The following ADAM7 variants were observed in gnomAD, a reference collection of about 807,000 sequenced individuals.
The protein encoded by ADAM7 is disintegrin and metalloproteinase domain-containing protein 7.
ADAM7 carries 97 observed loss-of-function variants against 102.9 expected under a neutral mutation model. The ratio of observed to expected loss-of-function variants is 0.94; its 90% CI spans 0.80 to 1.12. The LOEUF is 1.12. Among genes scored for constraint, ADAM7 ranks in the 50% most tolerant of loss-of-function variants. ADAM7 has a pLI of 0.00. For synonymous variants in ADAM7, 334 were observed against 304.4 expected (o/e 1.10, Z -1.01); for missense variants, 991 against 908.7 (o/e 1.09, Z -1.16).
At chr8:24,503,607 C>A (rs754051663) in intron 20 of ADAM7, among the ~76,000 whole-genome samples, 1 of 152,106 alleles carries the variant, frequency 6.6e-6, no homozygotes, top group Non-Finnish European at 1.5e-5. Context: ...TTCACAATAG[C>A]AAAGACTTGG....
chr8:24,485,471 A>G, intron 10 of ADAM7, 110 bp downstream of exon 10: 2 of 859,406 alleles, frequency 2.3e-6, no homozygotes, highest in Non-Finnish European at 3.6e-6. Context: ...TATACTCACT[A>G]AGATATGTCA....
At chr8:24,485,818 T>A (rs143789923) in intron 10 of ADAM7, among the ~76,000 whole-genome samples, 2 of 152,304 alleles carry the variant, frequency 1.3e-5, no homozygotes, top group African/African-American at 4.8e-5. Flanking sequence ...ACTCCCTTTT[T>A]TTTATGTGAT....
chr8:24,491,818 T>C (rs1216540680), intron 13 of ADAM7, 85 bp from the exon 14 acceptor site: 4 of 1,164,910 alleles, frequency 3.4e-6, no homozygotes, highest in Non-Finnish European at 4.7e-6. Context: ...CTTTTTTGGA[T>C]GAATGGGTCA....
At chr8:24,491,009 A>G in intron 13 of ADAM7, 121 bp downstream of exon 13, 1 of 901,632 alleles carries the variant, frequency 1.1e-6, no homozygotes, top group Non-Finnish European at 1.7e-6. Flanking sequence ...TAGGCTTGCA[A>G]GTACCCAACA....
chr8:24,452,055 G>A (rs992338501), intron 3 of ADAM7, among the ~76,000 whole-genome samples: 3 of 152,252 alleles, frequency 2.0e-5, no homozygotes, highest in Admixed American at 1.3e-4. Flanking sequence ...TTGCTGAGGA[G>A]AGCTTTACTT....
At chr8:24,450,799 C>G (rs1818753487) in intron 3 of ADAM7, among the ~76,000 whole-genome samples, 2 of 152,066 alleles carry the variant, frequency 1.3e-5, no homozygotes, top group Non-Finnish European at 2.9e-5. Flanking sequence ...TCATGGATAG[C>G]TCTTATTATT....
intron 20 of ADAM7, among the ~76,000 whole-genome samples, chr8:24,507,150 C>G (rs549205241): frequency 6.6e-6 from 1 of 152,028 alleles, no homozygotes; most frequent in Non-Finnish European, 1.5e-5. Context: ...GAGATGTTAT[C>G]GGAATGAAAG....
At chr8:24,492,963 G>C in intron 15 of ADAM7, 80 bp from the exon 16 acceptor site, 1 of 1,382,850 alleles carries the variant, frequency 7.2e-7, no homozygotes, top group Non-Finnish European at 9.6e-7. Flanking sequence ...GAAAAAGAGT[G>C]ACCGGGAGGC....
At chr8:24,468,288 A>G (rs1563381635) in intron 6 of ADAM7, among the ~76,000 whole-genome samples, 1 of 150,834 alleles carries the variant, frequency 6.6e-6, no homozygotes, top group East Asian at 1.9e-4. Flanking sequence ...TACTCAGTAA[A>G]TGAAAAAAAA....
intron 20 of ADAM7, among the ~76,000 whole-genome samples, chr8:24,503,863 C>T (rs1302609753): frequency 2.0e-5 from 3 of 151,880 alleles, no homozygotes; most frequent in Non-Finnish European, 4.4e-5. Flanking sequence ...ACATCACACA[C>T]TGAGGCCTGT....
chr8:24,449,646 T>C (rs889114349), intron 3 of ADAM7, among the ~76,000 whole-genome samples: 3 of 152,194 alleles, frequency 2.0e-5, no homozygotes, highest in African/African-American at 4.8e-5. Flanking sequence ...AGAAGCTCTT[T>C]AGTTTAATTA....
At chr8:24,454,996 G>C (rs528984261) in intron 3 of ADAM7, among the ~76,000 whole-genome samples, 2 of 152,026 alleles carry the variant, frequency 1.3e-5, no homozygotes, top group Admixed American at 6.5e-5. Flanking sequence ...TTGTATGTGC[G>C]TATGAGTCAC....
chr8:24,462,873 T>A (rs1251773858), intron 3 of ADAM7, among the ~76,000 whole-genome samples: 1 of 152,166 alleles, frequency 6.6e-6, no homozygotes, highest in Admixed American at 6.5e-5. Context: ...ATGAAATACA[T>A]CATGGGTGAA....
In ADAM7 at chr8:24,448,657, T is replaced by TTTATTATTA. The variant is rs35847061; in HGVS notation, c.233+1415_233+1423dup. ...TCCCCTCTAAGTTTCATTCAGCTTG[T>TTTATTATTA]TTATTATTATTATTATTATTATTAT... On this transcript the variant is annotated intron_variant, in intron 3 of 21. Coordinates refer to ENST00000175238, the MANE Select transcript of ADAM7 (RefSeq NM_003817.4). 3.9e-3 allele frequency among the ~76,000 whole-genome samples: 577 copies of TTTATTATTA among 148,776 alleles called. 1 individual carries two copies. Among genetic ancestry groups the TTTATTATTA allele is most frequent in the Admixed American group, 9.8e-3 (146 of 14,902 alleles).
chr8:24,499,202 C>T (rs140400815), intron 16 of ADAM7, 34 bp from the exon 17 acceptor site: 24 of 1,483,128 alleles, frequency 1.6e-5, no homozygotes, highest in Non-Finnish European at 2.1e-5. Flanking sequence ...AATTGTAAGT[C>T]ATTTTAATTC....
intron 16 of ADAM7, among the ~76,000 whole-genome samples, chr8:24,498,760 T>C (rs1820645005): frequency 6.6e-6 from 1 of 151,610 alleles, no homozygotes; most frequent in East Asian, 1.9e-4. Context: ...AGTGATCAAA[T>C]TTACCAAGAG....
chr8:24,503,062 T>C (rs1016257352), intron 20 of ADAM7, among the ~76,000 whole-genome samples: 1 of 152,174 alleles, frequency 6.6e-6, no homozygotes, highest in Non-Finnish European at 1.5e-5. Flanking sequence ...ATTACTGCAA[T>C]AATGCAAAGA....
chr8:24,457,693 T>G (rs1246824122), intron 3 of ADAM7, among the ~76,000 whole-genome samples: 2 of 152,158 alleles, frequency 1.3e-5, no homozygotes, highest in Non-Finnish European at 2.9e-5. Context: ...TTAAATAAAT[T>G]TTAATTTATC....
At chr8:24,487,701 C>T (rs1820192367) in intron 11 of ADAM7, among the ~76,000 whole-genome samples, 1 of 151,386 alleles carries the variant, frequency 6.6e-6, no homozygotes, top group Non-Finnish European at 1.5e-5. Context: ...GAGTCAAAAT[C>T]CATTATTGTA....
Sources: allele counts gnomAD v4.1 joint callset (sites outside exome capture counted in the v4.1 genomes callset), GRCh38; gene constraint gnomAD v4.1.1; transcripts MANE v1.5; gene names NCBI Gene and HGNC (gene_info 2026-07-23, HGNC 2026-07-21).